Variants in NRG3 observed in about 807,000 individuals in gnomAD.
NRG3 encodes neuregulin 3, also known as pro-neuregulin-3, membrane-bound isoform.
In NRG3, 31 loss-of-function variants were observed where a neutral mutation model predicts 66.9. The observed-to-expected ratio is 0.46, with a 90% CI of 0.35 to 0.63. NRG3 has a LOEUF of 0.63. NRG3 is among the 20% of genes least tolerant of loss of function. The pLI is 0.00. For synonymous variants in NRG3, 393 were observed against 359.4 expected, an observed-to-expected ratio of 1.09 and a Z score of -1.06; for missense variants, 910 against 878.9, an observed-to-expected ratio of 1.04 and a Z score of -0.45.
intron 2 of NRG3, among the ~76,000 whole-genome samples, chr10:82,389,396 A>G (rs2086210386): frequency 6.6e-6 from 1 of 152,196 alleles, no homozygotes; most frequent in African/African-American, 2.4e-5. Context: ...ACAGGAGATC[A>G]AATACTTTGC....
rs532634075 is a variant in NRG3, at chr10:81,938,392, G to GTT, written c.823+62239_823+62240dup. ...ATGCCATTTATTTGTGTGTGTGTGT[G>GTT]TTTTTTTTTTTCCAGCAATGTCTTA... On this transcript the variant is annotated intron_variant, in intron 1 of 8. Coordinates refer to ENST00000372141, the MANE Select transcript of NRG3 (RefSeq NM_001010848.4). Among the ~76,000 whole-genome samples the GTT allele has an allele frequency of 1.3e-4, 15 of 113,076 alleles. 1 individual carries two copies. Among genetic ancestry groups the GTT allele is most frequent in the Admixed American group, 4.9e-4 (5 of 10,240 alleles). The allele number at this position is 113,076 out of a possible 152,430, so 74.2% of individuals were successfully genotyped here.
chr10:82,183,636 A>G (rs1028446808), intron 1 of NRG3, among the ~76,000 whole-genome samples: 1 of 152,056 alleles, frequency 6.6e-6, no homozygotes, highest in Non-Finnish European at 1.5e-5. Flanking sequence ...GTAATTGTCT[A>G]ATGCAGTGGT....
At chr10:81,913,857 T>C (rs756847446) in intron 1 of NRG3, among the ~76,000 whole-genome samples, 1 of 152,198 alleles carries the variant, frequency 6.6e-6, no homozygotes, top group African/African-American at 2.4e-5. Context: ...TTTATGTATA[T>C]AGAAAAATTG....
At chr10:82,217,050 A>G (rs1328592300) in intron 1 of NRG3, among the ~76,000 whole-genome samples, 2 of 152,232 alleles carry the variant, frequency 1.3e-5, no homozygotes, top group Non-Finnish European at 2.9e-5. Flanking sequence ...ATTCAAAGAA[A>G]GAAGTTAATT....
intron 1 of NRG3, among the ~76,000 whole-genome samples, chr10:82,063,363 A>C (rs2064268667): frequency 6.6e-6 from 1 of 152,180 alleles, no homozygotes; most frequent in Non-Finnish European, 1.5e-5. Flanking sequence ...CTTAGCTTAT[A>C]ATAGCAGACC....
chr10:82,165,542 A>T (rs987995847), intron 1 of NRG3, among the ~76,000 whole-genome samples: 1 of 152,052 alleles, frequency 6.6e-6, no homozygotes, highest in Non-Finnish European at 1.5e-5. Context: ...ACATTCACTC[A>T]TAGTTGTTTC....
intron 1 of NRG3, among the ~76,000 whole-genome samples, chr10:82,158,719 T>C (rs2071359706): frequency 6.6e-6 from 1 of 151,922 alleles, no homozygotes; most frequent in South Asian, 2.1e-4. Context: ...TCTTCACATG[T>C]AAGTAAAATG....
intron 1 of NRG3, among the ~76,000 whole-genome samples, chr10:82,053,379 C>T (rs1313297233): frequency 3.3e-5 from 5 of 152,100 alleles, no homozygotes; most frequent in African/African-American, 4.8e-5. Context: ...GAGATCCGGG[C>T]TGAGGAAGAT....
intron 1 of NRG3, among the ~76,000 whole-genome samples, chr10:82,158,047 C>CA (rs1233217621): frequency 6.6e-6 from 1 of 151,572 alleles, no homozygotes; most frequent in East Asian, 1.9e-4. Context: ...AGGATTATTA[C>CA]AAAAAACACT....
chr10:82,575,604 G>A (rs182071128), intron 2 of NRG3, among the ~76,000 whole-genome samples: 1 of 151,640 alleles, frequency 6.6e-6, no homozygotes, highest in South Asian at 2.1e-4. Flanking sequence ...TGATGACATC[G>A]TTCCTTTGGC....
At chr10:82,300,916 A>C (rs1427454762) in intron 1 of NRG3, among the ~76,000 whole-genome samples, 1 of 151,798 alleles carries the variant, frequency 6.6e-6, no homozygotes, top group African/African-American at 2.4e-5. Context: ...AGATTGCTTG[A>C]CCCCAGGAGC....
rs191855163 is a variant in NRG3, at chr10:81,906,890, G to T, written c.823+30727G>T. Among the ~76,000 whole-genome samples, 177 of 152,282 alleles carry T rather than the reference G, an allele frequency of 1.2e-3. 1 individual carries two copies. The highest frequency in any genetic ancestry group is 0.01 in the Middle Eastern group (3 of 294). ...ATTTCAAAGATATTTTGAAGATAGT[G>T]TAGAGCAGTGAGGGTCTAGAGGATT... is the stretch of plus-strand genomic sequence containing the variant. On this transcript the variant is annotated intron_variant, in intron 1 of 8. Coordinates refer to ENST00000372141, the MANE Select transcript of NRG3 (RefSeq NM_001010848.4).
intron 1 of NRG3, among the ~76,000 whole-genome samples, chr10:82,004,842 T>A (rs1271452156): frequency 6.6e-6 from 1 of 151,698 alleles, no homozygotes; most frequent in Non-Finnish European, 1.5e-5. Context: ...AGCCAAGGAG[T>A]CTTCAGAAGA....
rs118090116 is a variant in NRG3 at position 82,934,547 on chromosome 10, A to G, written c.1055-16922A>G. On this transcript the variant is annotated intron_variant, in intron 4 of 8. Coordinates refer to ENST00000372141, the MANE Select transcript of NRG3 (RefSeq NM_001010848.4). ...GTTCTTATCTCTGGGTACTAAGTCC[A>G]TCATCCTTAGATCCTGTAGAGCACT... is the stretch of plus-strand genomic sequence containing the variant. Among the ~76,000 whole-genome samples, 1,216 of 152,306 alleles carry G rather than the reference A, an allele frequency of 8.0e-3. 13 individuals are homozygous for G. The highest frequency in any genetic ancestry group is 0.012 in the Non-Finnish European group (826 of 68,040).
intron 2 of NRG3, among the ~76,000 whole-genome samples, chr10:82,594,975 T>C (rs1201278906): frequency 1.3e-5 from 2 of 151,922 alleles, no homozygotes; most frequent in Non-Finnish European, 2.9e-5. Context: ...TTTTTCATTT[T>C]CCTTTTTATT....
At chr10:82,617,137 GCACACACACACCACT>G (rs1252941773) in intron 2 of NRG3, among the ~76,000 whole-genome samples, 4 of 151,172 alleles carry the variant, frequency 2.6e-5, no homozygotes, top group Non-Finnish European at 5.9e-5. Flanking sequence ...CCACATACAT[GCACACACACACCACT>G]CACACACACA....
intron 2 of NRG3, among the ~76,000 whole-genome samples, chr10:82,552,299 G>T (rs891351694): frequency 6.6e-6 from 1 of 152,038 alleles, no homozygotes; most frequent in African/African-American, 2.4e-5. Context: ...TCAAGATAAT[G>T]ATTTTTTTCC....
intron 1 of NRG3, among the ~76,000 whole-genome samples, chr10:82,306,777 C>A (rs893167190): frequency 7.6e-6 from 1 of 132,100 alleles, no homozygotes; most frequent in African/African-American, 2.7e-5. Context: ...CATCCTATTG[C>A]TTTTTTTGAT....
chr10:82,718,674 G>A (rs771326781), intron 2 of NRG3, among the ~76,000 whole-genome samples: 1 of 152,180 alleles, frequency 6.6e-6, no homozygotes, highest in African/African-American at 2.4e-5. Context: ...AGGTAATTAT[G>A]TCAAGTGTCT....
Sources: gnomAD v4.1 joint callset for allele counts (sites outside exome capture counted in the v4.1 genomes callset) on GRCh38, gnomAD v4.1.1 for gene constraint, MANE v1.5 for transcripts, NCBI Gene and HGNC (gene_info 2026-07-23, HGNC 2026-07-21) for gene names.